The following DCC variants were observed in gnomAD, a reference collection of about 807,000 sequenced individuals.
The protein encoded by DCC is DCC netrin 1 receptor, also known as netrin receptor DCC.
DCC carries 58 observed loss-of-function variants against 172.5 expected under a neutral mutation model. The ratio of observed to expected loss-of-function variants is 0.34; its 90% CI spans 0.27 to 0.42. The LOEUF is 0.42. Ranked by LOEUF, DCC falls within the 10% of genes least tolerant of loss-of-function variation. The pLI is 1.00. For synonymous variants in DCC, 709 were observed against 644.5 expected, an observed-to-expected ratio of 1.10 and a Z score of -1.52; for missense variants, 1,740 against 1,791.0, an observed-to-expected ratio of 0.97 and a Z score of 0.51.
chr18:52,903,208 T>C (rs1486622610), intron 2 of DCC, among the ~76,000 whole-genome samples: 2 of 151,332 alleles, frequency 1.3e-5, no homozygotes, highest in Admixed American at 6.6e-5. Context: ...TTTTCTGTTT[T>C]ATTATTTCTT....
At chr18:52,613,158 A>G (rs979223973) in intron 1 of DCC, among the ~76,000 whole-genome samples, 3 of 152,174 alleles carry the variant, frequency 2.0e-5, no homozygotes, top group African/African-American at 7.2e-5. Context: ...TTTTCCCCTA[A>G]TGTATCTCAT....
chr18:52,795,726 T>C lies in DCC; in HGVS notation c.412+43352T>C, dbSNP rs1598810687. On this transcript the variant is annotated intron_variant, in intron 2 of 28. Transcript: ENST00000442544. ...AAATCTGTCCACTTTTATGATGTCA[T>C]TTATTGCTATAAACTTCCTTCTAGC... Among the ~76,000 whole-genome samples the C allele has an allele frequency of 5.3e-5, 8 of 152,170 alleles. 1 individual carries two copies. The South Asian group carries it at 1.7e-3, about 31-fold the overall frequency.
chr18:53,001,519 G>A (rs896446870), intron 5 of DCC, among the ~76,000 whole-genome samples: 4 of 152,010 alleles, frequency 2.6e-5, no homozygotes, highest in Admixed American at 6.6e-5. Flanking sequence ...AGAACAGTAA[G>A]TCACTTTTGC....
chr18:52,661,533 T>C (rs963424874), intron 1 of DCC, among the ~76,000 whole-genome samples: 1 of 152,204 alleles, frequency 6.6e-6, no homozygotes, highest in Non-Finnish European at 1.5e-5. Flanking sequence ...TGGAAAGTAG[T>C]CTGTTTCCCT....
intron 5 of DCC, among the ~76,000 whole-genome samples, chr18:53,062,159 G>C (rs899357927): frequency 6.6e-6 from 1 of 152,036 alleles, no homozygotes; most frequent in Non-Finnish European, 1.5e-5. Context: ...TAAAGAAAGA[G>C]AGAGATCATT....
At chr18:53,159,202 A>G (rs1284276857) in intron 8 of DCC, among the ~76,000 whole-genome samples, 3 of 152,124 alleles carry the variant, frequency 2.0e-5, no homozygotes, top group Non-Finnish European at 4.4e-5. Context: ...ATGTTTTTAC[A>G]TGGATTTCCT....
intron 1 of DCC, among the ~76,000 whole-genome samples, chr18:52,610,509 A>G (rs1396357028): frequency 1.3e-5 from 2 of 151,286 alleles, no homozygotes; most frequent in Non-Finnish European, 2.9e-5. Flanking sequence ...CCATAAAACT[A>G]AAGGTTAGTT....
At chr18:52,628,164 T>G (rs542945436) in intron 1 of DCC, among the ~76,000 whole-genome samples, 2 of 152,220 alleles carry the variant, frequency 1.3e-5, no homozygotes, top group Non-Finnish European at 2.9e-5. Flanking sequence ...GAATTTTTCC[T>G]AAATTAGAGC....
rs1344090865 is a variant in DCC at position 53,305,697 on chromosome 18, C to A, written c.2031C>A (p.Asn677Lys). 6.2e-7 allele frequency: 1 copy of A among 1,613,972 alleles called. No individual in the cohort carries two copies. The highest frequency in any genetic ancestry group is 8.5e-7 in the Non-Finnish European group (1 of 1,179,906). ...GTGAGATGGAAACACTGGAGCCAAACAACCTCTGGTACCTATTCACAGGTC... is the reference window on the plus strand; with the variant it reads ...GTGAGATGGAAACACTGGAGCCAAAAAACCTCTGGTACCTATTCACAGGTC... ...RRGEMETLEP[N>K]NLWYLFTGLE... is the part of the protein sequence containing the mutation. The change falls in exon 13 of 29, where the codon AAC (asparagine) becomes AAA (lysine). Residue 677 changes from asparagine (N) to lysine (K), a missense_variant. This residue lies in a region of DCC where 1,732 missense variants were observed against 1,767.4 expected (regional missense o/e 0.98). Coordinates refer to ENST00000442544, the MANE Select transcript of DCC (RefSeq NM_005215.4).
chr18:52,592,638 T>C (rs529769665), intron 1 of DCC, among the ~76,000 whole-genome samples: 1 of 152,294 alleles, frequency 6.6e-6, no homozygotes, highest in East Asian at 1.9e-4. Flanking sequence ...GAAATAAGGA[T>C]ATGGAAATAG....
chr18:52,883,658 T>C (rs966264872), intron 2 of DCC, among the ~76,000 whole-genome samples: 2 of 152,038 alleles, frequency 1.3e-5, no homozygotes, highest in African/African-American at 4.8e-5. Flanking sequence ...ATTGTACTTA[T>C]TGTACTCTTG....
At chr18:53,280,126 G>C (rs895038982) in intron 12 of DCC, among the ~76,000 whole-genome samples, 3 of 152,114 alleles carry the variant, frequency 2.0e-5, no homozygotes, top group Admixed American at 6.6e-5. Flanking sequence ...TTCTGTTGAA[G>C]CCTATGGGCT....
intron 18 of DCC, among the ~76,000 whole-genome samples, chr18:53,399,213 AG>A (rs1258940498): frequency 6.6e-6 from 1 of 152,250 alleles, no homozygotes; most frequent in Non-Finnish European, 1.5e-5. Flanking sequence ...TGTAGAAGTG[AG>A]GAACTGTTGG....
intron 8 of DCC, among the ~76,000 whole-genome samples, chr18:53,161,921 G>A (rs2054845854): frequency 6.6e-6 from 1 of 152,024 alleles, no homozygotes; most frequent in African/African-American, 2.4e-5. Flanking sequence ...GCTGAGTTAT[G>A]GAAATAAAGT....
chr18:52,432,345 C>T (rs953543228), intron 1 of DCC, among the ~76,000 whole-genome samples: 5 of 152,036 alleles, frequency 3.3e-5, no homozygotes, highest in South Asian at 2.1e-4. Flanking sequence ...AGCTCAGCGG[C>T]GGATTGGTAG....
intron 12 of DCC, among the ~76,000 whole-genome samples, chr18:53,240,026 TAAAAAAA>T (rs68158437): frequency 1.4e-5 from 1 of 69,072 alleles, no homozygotes; most frequent in South Asian, 6.8e-4. Context: ...GTTCTAGAGT[TAAAAAAA>T]AAAAAAAAAA....
At chr18:52,416,565 G>GGTGCATATA (rs1400839479) in intron 1 of DCC, among the ~76,000 whole-genome samples, 6 of 151,372 alleles carry the variant, frequency 4.0e-5, no homozygotes, top group Admixed American at 6.6e-5. Flanking sequence ...TCCTGTATTG[G>GGTGCATATA]GTGCATATAT....
chr18:52,633,137 T>C (rs565878730), intron 1 of DCC, among the ~76,000 whole-genome samples: 76 of 152,058 alleles, frequency 5.0e-4, no homozygotes, highest in African/African-American at 1.8e-3. Flanking sequence ...TGTCCTGTCC[T>C]GTCCTGTCCT....
intron 3 of DCC, among the ~76,000 whole-genome samples, chr18:52,919,402 G>A (rs1272988379): frequency 1.3e-5 from 2 of 152,046 alleles, no homozygotes; most frequent in Non-Finnish European, 2.9e-5. Context: ...GTTCCTTTTG[G>A]GGGAACTTTC....
Sources: allele counts gnomAD v4.1 joint callset (sites outside exome capture counted in the v4.1 genomes callset), GRCh38; gene constraint gnomAD v4.1.1; regional missense constraint gnomAD v4.1.1; transcripts MANE v1.5; gene names NCBI Gene and HGNC (gene_info 2026-07-23, HGNC 2026-07-21).